DCLRE1C: variants seen among roughly 807,000 people sequenced by gnomAD.
The protein encoded by DCLRE1C is DNA cross-link repair 1C.
Under a neutral mutation model 61.4 loss-of-function variants are expected in DCLRE1C, and 47 were observed. The observed-to-expected ratio is 0.77, with a 90% CI of 0.61 to 0.98. DCLRE1C has a LOEUF of 0.98. Ranked by LOEUF, DCLRE1C falls within the 50% of genes least tolerant of loss-of-function variation. The pLI, the probability that DCLRE1C is intolerant of heterozygous loss-of-function variation, is 0.00. For missense variants in DCLRE1C, 858 were observed against 816.0 expected, an observed-to-expected ratio of 1.05 and a Z score of -0.63; for synonymous variants, 337 against 287.6, an observed-to-expected ratio of 1.17 and a Z score of -1.74.
At chr10:14,948,483 ACT>A (rs1319099836) in intron 2 of DCLRE1C, among the ~76,000 whole-genome samples, 2 of 152,300 alleles carry the variant, frequency 1.3e-5, no homozygotes, top group African/African-American at 4.8e-5. Flanking sequence ...TCTCTCATAT[ACT>A]CTTACAGAAA....
intron 10 of DCLRE1C, among the ~76,000 whole-genome samples, chr10:14,927,267 T>C (rs1838171412): frequency 6.6e-6 from 1 of 151,930 alleles, no homozygotes; most frequent in Admixed American, 6.6e-5. Flanking sequence ...ATGCCTGTAA[T>C]CCCAGCTACT....
chr10:14,910,050 G>A (rs1279592393), intron 13 of DCLRE1C, among the ~76,000 whole-genome samples: 1 of 152,200 alleles, frequency 6.6e-6, no homozygotes, highest in Non-Finnish European at 1.5e-5. Context: ...AGACTACTGT[G>A]TATGGCAACT....
chr10:14,915,639 T>TAA (rs561053229), intron 13 of DCLRE1C, among the ~76,000 whole-genome samples: 2 of 142,962 alleles, frequency 1.4e-5, no homozygotes, highest in African/African-American at 5.1e-5. Flanking sequence ...CATTTGTAGT[T>TAA]AAAAAAAAAA....
At chr10:14,926,928 G>C (rs573921117) in intron 10 of DCLRE1C, 31 bp from the exon 11 acceptor site, 2 of 1,596,094 alleles carry the variant, frequency 1.3e-6, no homozygotes, top group Non-Finnish European at 1.7e-6. Context: ...AAAATAAAAA[G>C]ATCACTGAGC....
intron 3 of DCLRE1C, among the ~76,000 whole-genome samples, chr10:14,943,621 C>T (rs1040437614): frequency 1.3e-5 from 2 of 152,202 alleles, no homozygotes; most frequent in African/African-American, 4.8e-5. Flanking sequence ...GGCACGATCT[C>T]AGCTCACTGC....
chr10:14,906,404 C>G lies in DCLRE1C; in HGVS notation c.*2004G>C, dbSNP rs911160657. Among the ~76,000 whole-genome samples the G allele has an allele frequency of 6.6e-6, 1 of 152,190 alleles. No individual in the cohort carries two copies. The highest frequency in any genetic ancestry group is 6.5e-5 in the Admixed American group (1 of 15,272). ...TTCAGCCAGCATTTATAATGCCAGACTCACATATAAAACAAACGTAACAGT... is the reference window on the plus strand; with the variant it reads ...TTCAGCCAGCATTTATAATGCCAGAGTCACATATAAAACAAACGTAACAGT... On this transcript the variant is annotated 3_prime_UTR_variant, in exon 14 of 14. Coordinates refer to ENST00000378278, the MANE Select transcript of DCLRE1C (RefSeq NM_001033855.3).
At chr10:14,913,278 T>C (rs543426569) in intron 13 of DCLRE1C, among the ~76,000 whole-genome samples, 2 of 152,368 alleles carry the variant, frequency 1.3e-5, no homozygotes, top group African/African-American at 4.8e-5. Context: ...ATAAAGTTTC[T>C]TTTTTGGGTA....
intron 8 of DCLRE1C, among the ~76,000 whole-genome samples, chr10:14,933,814 C>G (rs41297042): frequency 0.15 from 22,336 of 152,116 alleles, 1,674 homozygotes; most frequent in Middle Eastern, 0.19. Flanking sequence ...TTTGTCTATG[C>G]GGCATTTCAC....
At chr10:14,929,756 CATT>C (rs1421760386) in intron 9 of DCLRE1C, among the ~76,000 whole-genome samples, 1 of 152,130 alleles carries the variant, frequency 6.6e-6, no homozygotes, top group Non-Finnish European at 1.5e-5. Context: ...TTTCCAAAGT[CATT>C]ATTTTGAAAT....
At chr10:14,919,898 T>A (rs755708676) in intron 12 of DCLRE1C, 66 bp from the exon 13 acceptor site, 3 of 1,286,608 alleles carry the variant, frequency 2.3e-6, no homozygotes, top group Non-Finnish European at 3.4e-6. Flanking sequence ...ACATCATTGA[T>A]AGTATTACAA....
chr10:14,938,256 C>T (rs1840298019), intron 4 of DCLRE1C, among the ~76,000 whole-genome samples: 1 of 152,178 alleles, frequency 6.6e-6, no homozygotes, highest in Non-Finnish European at 1.5e-5. Context: ...TCACCAATAT[C>T]CCTGATTGTG....
chr10:14,928,440 G>A (rs41298884), intron 9 of DCLRE1C, among the ~76,000 whole-genome samples: 5,501 of 152,186 alleles, frequency 0.036, 184 homozygotes, highest in Middle Eastern at 0.13. Flanking sequence ...CTGACTGAAC[G>A]CAATGGACGA....
At chr10:14,916,670 A>C (rs771222267) in intron 13 of DCLRE1C, among the ~76,000 whole-genome samples, 10 of 152,212 alleles carry the variant, frequency 6.6e-5, no homozygotes, top group Non-Finnish European at 8.8e-5. Context: ...ACCATGTGCA[A>C]CAGTATCCCC....
chr10:14,926,144 C>G lies in DCLRE1C; in HGVS notation c.972+699G>C, dbSNP rs41298908. On this transcript the variant is annotated intron_variant, in intron 11 of 13. Transcript: ENST00000378278. ...TCCTCATACCCATCTCGGGCATGTCCTTAGAGCAGCAGGAGAACAGACTGA... is the reference window on the plus strand; with the variant it reads ...TCCTCATACCCATCTCGGGCATGTCGTTAGAGCAGCAGGAGAACAGACTGA... Among the ~76,000 whole-genome samples the G allele has an allele frequency of 8.3e-3, 1,258 of 152,274 alleles. 24 individuals are homozygous for G. Among genetic ancestry groups the G allele is most frequent in the African/African-American group, 0.028 (1,179 of 41,538 alleles).
chr10:14,950,357 C>CAAAAAAAAAAAAAAAAAAAAACAAA (rs1196056427), intron 1 of DCLRE1C, among the ~76,000 whole-genome samples: 1 of 71,274 alleles, frequency 1.4e-5, no homozygotes, highest in African/African-American at 4.8e-5. Flanking sequence ...AAATAATAAC[C>CAAAAAAAAAAAAAAAAAAAAACAAA]AAAAAAAAAA....
intron 4 of DCLRE1C, among the ~76,000 whole-genome samples, chr10:14,937,832 T>G (rs1353584499): frequency 1.4e-5 from 2 of 144,592 alleles, no homozygotes; most frequent in Non-Finnish European, 3.0e-5. Context: ...AGGTAGAGGT[T>G]GCAGTGAGCC....
At chr10:14,930,898 T>G (rs1344585682) in intron 9 of DCLRE1C, among the ~76,000 whole-genome samples, 2 of 152,172 alleles carry the variant, frequency 1.3e-5, no homozygotes, top group African/African-American at 4.8e-5. Flanking sequence ...GCAAAAATAA[T>G]TTACACTGCA....
intron 13 of DCLRE1C, among the ~76,000 whole-genome samples, chr10:14,917,518 G>T (rs1836403231): frequency 6.6e-6 from 1 of 151,686 alleles, no homozygotes; most frequent in Non-Finnish European, 1.5e-5. Flanking sequence ...CTTGTATCCA[G>T]AAACTTAGGA....
chr10:14,912,871 C>T (rs933816281), intron 13 of DCLRE1C, among the ~76,000 whole-genome samples: 6 of 151,066 alleles, frequency 4.0e-5, no homozygotes, highest in South Asian at 4.2e-4. Context: ...TTAGTAGAGA[C>T]GGGGTTTCAC....
Sources: allele counts gnomAD v4.1 joint callset (sites outside exome capture counted in the v4.1 genomes callset), GRCh38; gene constraint gnomAD v4.1.1; transcripts MANE v1.5; gene names NCBI Gene and HGNC (gene_info 2026-07-23, HGNC 2026-07-21).